AKAP6: variants seen among roughly 807,000 people sequenced by gnomAD.
AKAP6 encodes the protein A-kinase anchor protein 6.
Under a neutral mutation model 188.5 loss-of-function variants are expected in AKAP6, and 58 were observed. The ratio of observed to expected loss-of-function variants is 0.31; its 90% CI spans 0.25 to 0.38. The LOEUF (loss-of-function observed/expected upper bound fraction) is 0.38. Among genes scored for constraint, AKAP6 ranks in the 10% least tolerant of loss-of-function variants. AKAP6 has a pLI of 1.00. For missense variants in AKAP6, 2,710 were observed against 2,740.0 expected, an observed-to-expected ratio of 0.99 and a Z score of 0.24; for synonymous variants, 989 against 998.6, an observed-to-expected ratio of 0.99 and a Z score of 0.18.
At chr14:32,813,496 A>C (rs531458675) in intron 12 of AKAP6, among the ~76,000 whole-genome samples, 1 of 146,336 alleles carries the variant, frequency 6.8e-6, no homozygotes, top group Non-Finnish European at 1.5e-5. Context: ...AGGCTATCTC[A>C]GGACCCTGCC....
intron 12 of AKAP6, among the ~76,000 whole-genome samples, chr14:32,809,369 G>A (rs1035184773): frequency 6.6e-6 from 1 of 152,184 alleles, no homozygotes; most frequent in Non-Finnish European, 1.5e-5. Context: ...AGGCCTTTCA[G>A]TCTTCAATCT....
Position 32,545,929 on chromosome 14 carries a change from C to T in AKAP6, c.1276C>T (p.Pro426Ser). 1 of 1,614,114 alleles carries T rather than the reference C, an allele frequency of 6.2e-7. No homozygotes were observed. The highest frequency in any genetic ancestry group is 1.1e-5 in the South Asian group (1 of 91,082). ...AAAGCCTGAGATGAGCAGAAGCACCCCTTCGCTAGTAGATCCTCCTGACAG... is the reference window on the plus strand; with the variant it reads ...AAAGCCTGAGATGAGCAGAAGCACCTCTTCGCTAGTAGATCCTCCTGACAG... Reference protein sequence around the residue: ...DLKPEMSRSTPSLVDPPDRSK... With the variant: ...DLKPEMSRSTSSLVDPPDRSK... Residue 426 changes from proline to serine, a missense_variant, in exon 4 of 14, where the codon CCT becomes TCT. By Grantham distance (74) the Pro-to-Ser change is moderately conservative. This residue lies in a region of AKAP6 where 2,473 missense variants were observed against 2,426.1 expected (regional missense o/e 1.02). Transcript: ENST00000280979.
chr14:32,501,975 C>T (rs1286253798), intron 2 of AKAP6, among the ~76,000 whole-genome samples: 1 of 152,070 alleles, frequency 6.6e-6, no homozygotes, highest in Non-Finnish European at 1.5e-5. Flanking sequence ...ATTACTGGAT[C>T]GTTTAACTAA....
Position 32,824,131 on chromosome 14 carries a change from AGG to A in AKAP6, c.6321_6322del (p.Asp2108LeufsTer11). 1 of 1,613,982 alleles carries A rather than the reference AGG, an allele frequency of 6.2e-7. No individual in the cohort carries two copies. Among genetic ancestry groups the A allele is most frequent in the Non-Finnish European group, 8.5e-7 (1 of 1,179,926 alleles). On this transcript the variant is annotated frameshift_variant, in exon 13 of 14. Transcript: ENST00000280979. LOFTEE classifies it high-confidence loss of function. ...CTCACCGGCCCATCCAGCTGAGAAA[AGG>A]GGACTTTTATTCGTACTTATCTCTC... is the stretch of plus-strand genomic sequence containing the variant. ...HSHRPIQLRK[G>X]DFYSYLSLSS... is the part of the protein sequence containing the mutation.
At chr14:32,591,269 C>T (rs1003614673) in intron 5 of AKAP6, among the ~76,000 whole-genome samples, 1 of 152,036 alleles carries the variant, frequency 6.6e-6, no homozygotes, top group Admixed American at 6.6e-5. Context: ...ATCCATTTGG[C>T]CTAATGTGGC....
chr14:32,530,022 T>C (rs144763512), intron 2 of AKAP6, among the ~76,000 whole-genome samples: 3,810 of 149,094 alleles, frequency 0.026, 66 homozygotes, highest in Admixed American at 0.053. Context: ...CAGTTTTTTT[T>C]TGGAGACAGG....
At chr14:32,538,946 A>T (rs2139127302) in intron 3 of AKAP6, among the ~76,000 whole-genome samples, 1 of 152,300 alleles carries the variant, frequency 6.6e-6, no homozygotes, top group African/African-American at 2.4e-5. Context: ...ACCAGTTTTT[A>T]ACTGATTTCT....
At chr14:32,496,766 G>A (rs1196918110) in intron 2 of AKAP6, among the ~76,000 whole-genome samples, 1 of 152,032 alleles carries the variant, frequency 6.6e-6, no homozygotes, top group Non-Finnish European at 1.5e-5. Flanking sequence ...TGGCAATTTT[G>A]TATGGCTCAA....
At chr14:32,699,258 A>C (rs1890531494) in intron 9 of AKAP6, among the ~76,000 whole-genome samples, 1 of 152,194 alleles carries the variant, frequency 6.6e-6, no homozygotes, top group East Asian at 1.9e-4. Flanking sequence ...TATGAAATAC[A>C]GAAACCCTAG....
intron 2 of AKAP6, among the ~76,000 whole-genome samples, chr14:32,445,776 C>T (rs1411596909): frequency 1.3e-5 from 2 of 151,990 alleles, no homozygotes; most frequent in Non-Finnish European, 2.9e-5. Flanking sequence ...TTTTCTATTC[C>T]ATAAGTACCT....
intron 1 of AKAP6, among the ~76,000 whole-genome samples, chr14:32,431,745 C>T (rs1406357881): frequency 6.6e-6 from 1 of 152,206 alleles, no homozygotes; most frequent in Non-Finnish European, 1.5e-5. Context: ...AACTCCTGAC[C>T]TCAGGTGATC....
At chr14:32,757,497 G>T (rs763142477) in intron 11 of AKAP6, among the ~76,000 whole-genome samples, 52 of 152,218 alleles carry the variant, frequency 3.4e-4, no homozygotes, top group Non-Finnish European at 5.9e-4. Context: ...ATAAGGAAGG[G>T]AATGTTTAAT....
chr14:32,615,976 T>C (rs1036251274), intron 7 of AKAP6, among the ~76,000 whole-genome samples: 7 of 152,188 alleles, frequency 4.6e-5, no homozygotes, highest in African/African-American at 1.7e-4. Flanking sequence ...ATTATTCTCA[T>C]CAATGTTCCC....
Position 32,823,266 on chromosome 14 carries a change from G to A in AKAP6, c.5453G>A (p.Arg1818Lys). The A allele has an allele frequency of 6.2e-7, 1 of 1,613,690 alleles. No homozygotes were observed. The highest frequency in any genetic ancestry group is 1.7e-5 in the Admixed American group (1 of 59,918). ...PKLSLTRDKKRCNVSDEMKGS... is the reference protein window; with the variant it reads ...PKLSLTRDKKKCNVSDEMKGS... ...TTGTCTTTGACAAGAGATAAGAAAA[G>A]GTGCAATGTCAGTGATGAGATGAAG... The change falls in exon 13 of 14, where the codon AGG (arginine) becomes AAG (lysine). Residue 1818 changes from arginine (R) to lysine (K), a missense_variant. Coordinates refer to ENST00000280979, the MANE Select transcript of AKAP6 (RefSeq NM_004274.5).
intron 7 of AKAP6, among the ~76,000 whole-genome samples, chr14:32,657,585 G>A (rs891507554): frequency 3.9e-5 from 6 of 152,028 alleles, no homozygotes; most frequent in African/African-American, 7.2e-5. Context: ...TATCCAGCAC[G>A]GGCTTACTAG....
chr14:32,515,346 G>C (rs1881466515), intron 2 of AKAP6, among the ~76,000 whole-genome samples: 1 of 152,106 alleles, frequency 6.6e-6, no homozygotes, highest in Non-Finnish European at 1.5e-5. Flanking sequence ...GTGAATTTTG[G>C]TTGGGGACAC....
intron 11 of AKAP6, among the ~76,000 whole-genome samples, chr14:32,756,297 A>G (rs1040478716): frequency 6.6e-6 from 1 of 151,896 alleles, no homozygotes; most frequent in Non-Finnish European, 1.5e-5. Context: ...GGCTGGCCTA[A>G]CACTGGGATA....
chr14:32,637,303 T>C (rs1887538826), intron 7 of AKAP6, among the ~76,000 whole-genome samples: 1 of 152,048 alleles, frequency 6.6e-6, no homozygotes, highest in Non-Finnish European at 1.5e-5. Flanking sequence ...AATGAGTGAA[T>C]AGCATTATAT....
chr14:32,530,867 A>G (rs1218549051), intron 2 of AKAP6, among the ~76,000 whole-genome samples: 2 of 152,230 alleles, frequency 1.3e-5, no homozygotes, highest in East Asian at 3.8e-4. Flanking sequence ...TCACATAAGC[A>G]TACAACCCAA....
Sources: allele counts gnomAD v4.1 joint callset (sites outside exome capture counted in the v4.1 genomes callset), GRCh38; gene constraint gnomAD v4.1.1; regional missense constraint gnomAD v4.1.1; transcripts MANE v1.5; gene names NCBI Gene and HGNC (gene_info 2026-07-23, HGNC 2026-07-21).